The following TSPAN2 variants were observed in gnomAD, a reference collection of about 807,000 sequenced individuals.
The protein encoded by TSPAN2 is tetraspanin-2.
Under a neutral mutation model 33.3 loss-of-function variants are expected in TSPAN2, and 24 were observed. That is an observed-to-expected ratio of 0.72 (90% confidence interval 0.52 to 1.01). The LOEUF (loss-of-function observed/expected upper bound fraction) is 1.01. Ranked by LOEUF, TSPAN2 falls within the 50% of genes least tolerant of loss-of-function variation. The pLI, the probability that TSPAN2 is intolerant of heterozygous loss-of-function variation, is 0.00. For missense variants in TSPAN2, 278 were observed against 281.3 expected (o/e 0.99, Z 0.08); for synonymous variants, 114 against 104.5 (o/e 1.09, Z -0.56).
At chr1:115,086,184 T>C (rs901287558) in intron 1 of TSPAN2, among the ~76,000 whole-genome samples, 1 of 152,268 alleles carries the variant, frequency 6.6e-6, no homozygotes, top group African/African-American at 2.4e-5. Flanking sequence ...CCTAGGCTCA[T>C]AGGAAGTTGA....
At position 115,049,739 on chromosome 1, in the gene TSPAN2, A is replaced by G. The variant is rs1423840475; in HGVS notation, c.*751T>C. On this transcript the variant is annotated 3_prime_UTR_variant, in exon 8 of 8. Coordinates refer to ENST00000369516, the MANE Select transcript of TSPAN2 (RefSeq NM_005725.6). ...TGTATAAGAACAAAAATATTTCCTT[A>G]AAAAGTTGTTAAAAGTTTTTTAGTC... The G allele has an allele frequency of 6.6e-6, 1 of 152,628 alleles. No homozygotes were observed. The highest frequency in any genetic ancestry group is 1.5e-5 in the Non-Finnish European group (1 of 68,008). 9.5% of individuals were successfully genotyped at this position (152,628 alleles called of 1,614,324 possible).
At position 115,058,511 on chromosome 1, in the gene TSPAN2, C is replaced by A. The variant is rs1444145858; in HGVS notation, c.444+372G>T. 2.4e-5 allele frequency: 6 copies of A among 254,526 alleles called. No homozygotes were observed. In the East Asian group the frequency reaches 6.9e-4, roughly 29 times the overall value. 15.8% of individuals were successfully genotyped at this position (254,526 alleles called of 1,614,324 possible). On this transcript the variant is annotated intron_variant, in intron 5 of 7. Transcript: ENST00000369516. The stretch of plus-strand genomic sequence containing the variant: ...AGGCTGTTGAATGGTAGAGCTGCAG[C>A]TAGAAATTAGCTTTTCTGACTTACA...
chr1:115,054,033 T>C (rs1382545720), intron 6 of TSPAN2, among the ~76,000 whole-genome samples: 1 of 152,058 alleles, frequency 6.6e-6, no homozygotes, highest in South Asian at 2.1e-4. Flanking sequence ...GCTGGGTGAG[T>C]TCCTATCCTT....
Position 115,050,432 on chromosome 1 carries a change from A to G in TSPAN2, c.*58T>C. ...CAGTGTTAAAAATGAGCTGGGAGAC[A>G]GCTCCTGTGACATTTGGTATGAAAG... On this transcript the variant is annotated 3_prime_UTR_variant, in exon 8 of 8. Coordinates refer to ENST00000369516, the MANE Select transcript of TSPAN2 (RefSeq NM_005725.6). 4 of 1,449,216 alleles carry G rather than the reference A, an allele frequency of 2.8e-6. No homozygotes were observed. Among genetic ancestry groups the G allele is most frequent in the Non-Finnish European group, 3.9e-6 (4 of 1,031,118 alleles). 89.8% of individuals were successfully genotyped at this position (1,449,216 alleles called of 1,614,324 possible).
At chr1:115,070,681 AT>A (rs1648135583) in intron 2 of TSPAN2, among the ~76,000 whole-genome samples, 1 of 149,760 alleles carries the variant, frequency 6.7e-6, no homozygotes, top group Admixed American at 6.6e-5. Context: ...TCTAGTCCCC[AT>A]TTTTCCTCTT....
At chr1:115,066,678 C>G (rs928336985) in intron 2 of TSPAN2, among the ~76,000 whole-genome samples, 2 of 133,874 alleles carry the variant, frequency 1.5e-5, no homozygotes, top group African/African-American at 5.4e-5. Context: ...TGCTAATGAC[C>G]ATTTTTTTAT....
chr1:115,062,597 C>T (rs536878753), intron 2 of TSPAN2, among the ~76,000 whole-genome samples: 2 of 152,358 alleles, frequency 1.3e-5, no homozygotes, highest in South Asian at 4.1e-4. Context: ...GACAGAAATG[C>T]TCTGGTTCTG....
chr1:115,059,397 G>C (rs945516406), intron 4 of TSPAN2, among the ~76,000 whole-genome samples: 3 of 152,208 alleles, frequency 2.0e-5, no homozygotes, highest in South Asian at 4.1e-4. Flanking sequence ...AGACTAACCA[G>C]AACAGTTTTC....
In TSPAN2 at chr1:115,048,095, A is replaced by T. The variant is rs919310763; in HGVS notation, c.*2395T>A. ...TTAATTCAGTGCCTTGGCATGAGAC[A>T]TTTAAAAGCATGTTTGGGTCTAATC... is the stretch of plus-strand genomic sequence containing the variant. On this transcript the variant is annotated 3_prime_UTR_variant, in exon 8 of 8. Coordinates refer to ENST00000369516, the MANE Select transcript of TSPAN2 (RefSeq NM_005725.6). 6 of 151,830 alleles carry T rather than the reference A, an allele frequency of 4.0e-5. No individual in the cohort carries two copies. The highest frequency in any genetic ancestry group is 3.3e-4 in the Admixed American group (5 of 15,220). The allele number at this position is 151,830 out of a possible 1,614,324, so 9.4% of individuals were successfully genotyped here. A position where few individuals can be genotyped will look rare whatever the true frequency, so the allele number is the denominator to read the frequency against.
Position 115,057,614 on chromosome 1 carries a change from G to A in TSPAN2, c.445-6C>T. 1.2e-6 allele frequency: 2 copies of A among 1,614,030 alleles called. No individual in the cohort carries two copies. ...TCTTTTCCACAGCACTGAAACTAGAGAGTCAGAAAAGAGACTTCAGGACCA... is the reference window on the plus strand; with the variant it reads ...TCTTTTCCACAGCACTGAAACTAGAAAGTCAGAAAAGAGACTTCAGGACCA... On this transcript the variant is annotated splice_region_variant and splice_polypyrimidine_tract_variant and intron_variant, in intron 5 of 7. Transcript: ENST00000369516.
At chr1:115,066,618 G>A (rs1647961300) in intron 2 of TSPAN2, among the ~76,000 whole-genome samples, 1 of 152,200 alleles carries the variant, frequency 6.6e-6, no homozygotes, top group Non-Finnish European at 1.5e-5. Flanking sequence ...GGGACTGGAC[G>A]TGGTCATCAA....
chr1:115,073,931 T>A (rs538025188), intron 1 of TSPAN2, among the ~76,000 whole-genome samples: 22 of 152,228 alleles, frequency 1.4e-4, no homozygotes, highest in Non-Finnish European at 2.6e-4. Flanking sequence ...GCCACGGTGT[T>A]TTCTCTCCAC....
chr1:115,077,021 A>T (rs762035059), intron 1 of TSPAN2, among the ~76,000 whole-genome samples: 4 of 150,932 alleles, frequency 2.7e-5, no homozygotes, highest in Non-Finnish European at 5.9e-5. Flanking sequence ...CCCGGGCTCT[A>T]GCGATCCACC....
intron 1 of TSPAN2, among the ~76,000 whole-genome samples, chr1:115,081,355 C>T (rs1243153452): frequency 2.0e-5 from 3 of 152,102 alleles, no homozygotes; most frequent in African/African-American, 2.4e-5. Context: ...CTCTGCCACC[C>T]CTGTTAATAA....
Position 115,057,547 on chromosome 1 carries a change from A to G in TSPAN2, c.506T>C (p.Leu169Pro), listed in dbSNP as rs1303871868. The G allele has an allele frequency of 6.2e-7, 1 of 1,614,000 alleles. No homozygotes were observed. The highest frequency in any genetic ancestry group is 8.5e-7 in the Non-Finnish European group (1 of 1,179,964). Residue 169 changes from leucine (L) to proline (P), a missense_variant, in exon 6 of 8, where the codon CTA becomes CCA. By Grantham distance (98) the Leu-to-Pro change is moderately conservative (BLOSUM62 -3). Transcript: ENST00000369516. ...TTGGTAGAAGCTTACCTTGTGTCCTAGAAGCTCCTTTGGGCATGTAGGTTG... is the reference window on the plus strand; with the variant it reads ...TTGGTAGAAGCTTACCTTGTGTCCTGGAAGCTCCTTTGGGCATGTAGGTTG... ...QVQPTCPKEL[L>P]GHKNCIDEIE... is the part of the protein sequence containing the mutation.
intron 2 of TSPAN2, among the ~76,000 whole-genome samples, chr1:115,064,565 T>G (rs1241813881): frequency 6.6e-6 from 1 of 152,218 alleles, no homozygotes; most frequent in Non-Finnish European, 1.5e-5. Flanking sequence ...TCATTATAGA[T>G]TTCAAGTTGA....
In TSPAN2 at chr1:115,081,318, A is replaced by G. The variant is rs367606335; in HGVS notation, c.69+8046T>C. 5.3e-5 allele frequency among the ~76,000 whole-genome samples: 8 copies of G among 152,290 alleles called. No individual in the cohort carries two copies. In the East Asian group the frequency reaches 9.7e-4, roughly 18 times the overall value. Reference sequence around the variant, plus strand: ...CCTGGATGAGTGACAGCAACTTCCAATGCACCCCTGGCCCTGCTCAGCCTT... The same window carrying G: ...CCTGGATGAGTGACAGCAACTTCCAGTGCACCCCTGGCCCTGCTCAGCCTT... On this transcript the variant is annotated intron_variant, in intron 1 of 7. Coordinates refer to ENST00000369516, the MANE Select transcript of TSPAN2 (RefSeq NM_005725.6).
chr1:115,078,764 A>G (rs951994504), intron 1 of TSPAN2, among the ~76,000 whole-genome samples: 2 of 152,166 alleles, frequency 1.3e-5, no homozygotes, highest in African/African-American at 2.4e-5. Flanking sequence ...GTGGTATTAT[A>G]TTTTTAAAAT....
In TSPAN2 at chr1:115,072,873, G is replaced by C. The variant is rs377066755; in HGVS notation, c.172+32C>G. On this transcript the variant is annotated intron_variant, in intron 2 of 7. Transcript: ENST00000369516. The stretch of plus-strand genomic sequence containing the variant: ...GTCTTTGCACAGCCCCATCTACTCT[G>C]AGCTGGAGCTTAGGAAGCTGGAGTC... 8 of 1,546,484 alleles carry C rather than the reference G, an allele frequency of 5.2e-6. No homozygotes were observed. The African/African-American group carries it at 9.5e-5, about 18-fold the overall frequency.
Sources: gnomAD v4.1 joint callset for allele counts (sites outside exome capture counted in the v4.1 genomes callset) on GRCh38, gnomAD v4.1.1 for gene constraint, MANE v1.5 for transcripts, NCBI Gene and HGNC (gene_info 2026-07-23, HGNC 2026-07-21) for gene names.